Variants in SLC22A15 observed in about 807,000 individuals in gnomAD.
The protein encoded by SLC22A15 is solute carrier family 22 member 15, also known as flipt 1.
Under a neutral mutation model 62.7 loss-of-function variants are expected in SLC22A15, and 45 were observed. That is an observed-to-expected ratio of 0.72 (90% CI 0.56 to 0.92). The LOEUF is 0.92. Among genes scored for constraint, SLC22A15 ranks in the 40% least tolerant of loss-of-function variants. The pLI, the probability that SLC22A15 is intolerant of heterozygous loss-of-function variation, is 0.00. For synonymous variants in SLC22A15, 264 were observed against 267.0 expected, an observed-to-expected ratio of 0.99 and a Z score of 0.11; for missense variants, 622 against 665.6, an observed-to-expected ratio of 0.93 and a Z score of 0.72.
intron 3 of SLC22A15, among the ~76,000 whole-genome samples, chr1:116,020,279 G>A (rs1354400965): frequency 1.3e-5 from 2 of 150,536 alleles, no homozygotes; most frequent in African/African-American, 4.9e-5. Flanking sequence ...CTGGCTGGGC[G>A]CGGTGGCTCA....
chr1:116,008,985 A>T (rs1026425132), intron 2 of SLC22A15, among the ~76,000 whole-genome samples: 1 of 152,234 alleles, frequency 6.6e-6, no homozygotes, highest in African/African-American at 2.4e-5. Context: ...GGAAGTAGTA[A>T]TGATTACATT....
At chr1:116,034,073 C>T (rs1348134801) in intron 6 of SLC22A15, among the ~76,000 whole-genome samples, 1 of 152,132 alleles carries the variant, frequency 6.6e-6, no homozygotes, top group African/African-American at 2.4e-5. Flanking sequence ...AGCCACAGCT[C>T]ATTAGAGTTT....
At chr1:116,028,759 A>C (rs190982277) in intron 5 of SLC22A15, among the ~76,000 whole-genome samples, 1 of 152,064 alleles carries the variant, frequency 6.6e-6, no homozygotes, top group Non-Finnish European at 1.5e-5. Flanking sequence ...GTTCAGGCAC[A>C]CTGCACTACT....
At chr1:116,054,645 C>T (rs968864856) in intron 8 of SLC22A15, among the ~76,000 whole-genome samples, 5 of 152,152 alleles carry the variant, frequency 3.3e-5, no homozygotes, top group African/African-American at 1.2e-4. Flanking sequence ...AAATTGACCA[C>T]ATAGTTGGAA....
rs187216955 is a variant in SLC22A15, at chr1:115,976,526, C to T, written c.-102C>T. 7.5e-3 allele frequency: 4,305 copies of T among 576,072 alleles called. 26 individuals are homozygous for T. Among genetic ancestry groups the T allele is most frequent in the Non-Finnish European group, 9.0e-3 (3,640 of 402,380 alleles). The allele number at this position is 576,072 out of a possible 1,614,324, so 35.7% of individuals were successfully genotyped here. A position where few individuals can be genotyped will look rare whatever the true frequency, so the allele number is the denominator to read the frequency against. On this transcript the variant is annotated 5_prime_UTR_variant, in exon 1 of 12. Coordinates refer to ENST00000369503, the MANE Select transcript of SLC22A15 (RefSeq NM_018420.3). ...GCCAGCGCTTCCATCCCCGCCCCGGCGGGTCCAAGCCGGTGCCGGGCGCCC... is the reference window on the plus strand; with the variant it reads ...GCCAGCGCTTCCATCCCCGCCCCGGTGGGTCCAAGCCGGTGCCGGGCGCCC...
intron 1 of SLC22A15, among the ~76,000 whole-genome samples, chr1:115,977,285 A>C (rs1443077233): frequency 6.6e-6 from 1 of 152,194 alleles, no homozygotes; most frequent in Non-Finnish European, 1.5e-5. Context: ...CTGCTGGCTC[A>C]TTCGGCCCTG....
At chr1:115,980,013 C>T (rs1016518892) in intron 1 of SLC22A15, among the ~76,000 whole-genome samples, 4 of 150,500 alleles carry the variant, frequency 2.7e-5, no homozygotes, top group Non-Finnish European at 5.9e-5. Flanking sequence ...ACTTAATAAC[C>T]TTATTTTTTA....
chr1:116,055,590 G>C (rs1658179782), intron 8 of SLC22A15, among the ~76,000 whole-genome samples: 1 of 149,792 alleles, frequency 6.7e-6, no homozygotes, highest in Admixed American at 6.6e-5. Context: ...AAGCCGGGCA[G>C]AGACACAACC....
chr1:116,055,005 A>C (rs1658163409), intron 8 of SLC22A15, among the ~76,000 whole-genome samples: 1 of 152,018 alleles, frequency 6.6e-6, no homozygotes, highest in South Asian at 2.1e-4. Context: ...CTAGAAAAGA[A>C]AGAGCAAACA....
chr1:116,009,461 A>G (rs1382062146), intron 2 of SLC22A15, among the ~76,000 whole-genome samples: 1 of 152,198 alleles, frequency 6.6e-6, no homozygotes, highest in Non-Finnish European at 1.5e-5. Context: ...AAGGAGAGAC[A>G]GCAGCAGAAT....
At position 116,067,272 on chromosome 1, in the gene SLC22A15, G is replaced by T. The variant is rs1257211267; in HGVS notation, c.*164G>T. Reference sequence around the variant, plus strand: ...GATGTTTTTAGGCACAGAAGTTGGAGAAGAGATTTCATGAAAGACAACATC... The same window carrying T: ...GATGTTTTTAGGCACAGAAGTTGGATAAGAGATTTCATGAAAGACAACATC... On this transcript the variant is annotated 3_prime_UTR_variant, in exon 12 of 12. Coordinates refer to ENST00000369503, the MANE Select transcript of SLC22A15 (RefSeq NM_018420.3). The T allele has an allele frequency of 3.4e-6, 2 of 594,336 alleles. No homozygotes were observed. The highest frequency in any genetic ancestry group is 6.0e-6 in the Non-Finnish European group (2 of 335,308). The allele number at this position is 594,336 out of a possible 1,614,324, so 36.8% of individuals were successfully genotyped here.
chr1:116,023,879 C>G (rs563416748), intron 4 of SLC22A15, among the ~76,000 whole-genome samples: 30 of 152,090 alleles, frequency 2.0e-4, no homozygotes, highest in Admixed American at 1.8e-3. Context: ...ATGGCAAAGA[C>G]CCAGGCCTTG....
In SLC22A15 at chr1:116,028,271, TGA is replaced by T. The variant is rs984601883; in HGVS notation, c.728+1252_728+1253del. Among the ~76,000 whole-genome samples, 135 of 152,202 alleles carry T rather than the reference TGA, an allele frequency of 8.9e-4. 1 individual carries two copies. The highest frequency in any genetic ancestry group is 3.1e-3 in the African/African-American group (130 of 41,576). ...GTATTTTTAGTTATATGAATTTGAGTGAGATAATTTTATTAGAAGAGGAAACT... is the reference window on the plus strand; with the variant it reads ...GTATTTTTAGTTATATGAATTTGAGTGATAATTTTATTAGAAGAGGAAACT... On this transcript the variant is annotated intron_variant, in intron 5 of 11. Transcript: ENST00000369503.
intron 4 of SLC22A15, among the ~76,000 whole-genome samples, chr1:116,021,207 G>T (rs1372141449): frequency 6.6e-6 from 1 of 152,162 alleles, no homozygotes; most frequent in Non-Finnish European, 1.5e-5. Flanking sequence ...GAAAAATAGT[G>T]CAGACATAGG....
At chr1:115,978,161 A>G (rs1365237401) in intron 1 of SLC22A15, among the ~76,000 whole-genome samples, 2 of 152,126 alleles carry the variant, frequency 1.3e-5, no homozygotes, top group Non-Finnish European at 2.9e-5. Flanking sequence ...CATGAATTCC[A>G]GGAACATACA....
At chr1:116,045,594 C>T (rs1290617885) in intron 8 of SLC22A15, among the ~76,000 whole-genome samples, 2 of 151,462 alleles carry the variant, frequency 1.3e-5, no homozygotes, top group East Asian at 4.0e-4. Flanking sequence ...CAAAAATTAG[C>T]TGGGCGTGGT....
chr1:116,024,958 C>T (rs975556143), intron 4 of SLC22A15, among the ~76,000 whole-genome samples: 1 of 151,640 alleles, frequency 6.6e-6, no homozygotes, highest in African/African-American at 2.4e-5. Context: ...AACCAGGTAG[C>T]AAATATTCTG....
At chr1:116,008,431 A>T (rs141706775) in intron 2 of SLC22A15, among the ~76,000 whole-genome samples, 1 of 152,288 alleles carries the variant, frequency 6.6e-6, no homozygotes, top group Non-Finnish European at 1.5e-5. Flanking sequence ...TCCAGTGTGT[A>T]GCATTGTTAG....
chr1:116,063,909 C>T (rs1357837617), intron 9 of SLC22A15, among the ~76,000 whole-genome samples: 1 of 152,148 alleles, frequency 6.6e-6, no homozygotes, highest in Admixed American at 6.5e-5. Context: ...CCTGACAGTA[C>T]ACGCTTAGTC....
Sources: gnomAD v4.1 joint callset for allele counts (sites outside exome capture counted in the v4.1 genomes callset) on GRCh38, gnomAD v4.1.1 for gene constraint, MANE v1.5 for transcripts, NCBI Gene and HGNC (gene_info 2026-07-23, HGNC 2026-07-21) for gene names.